ZNF600: variants seen among roughly 807,000 people sequenced by gnomAD.
The protein encoded by ZNF600 is zinc finger protein 600.
A neutral mutation model predicts 7.3 loss-of-function variants in ZNF600; 4 were observed. The ratio of observed to expected loss-of-function variants is 0.55; its 90% CI spans 0.27 to 1.25. The LOEUF (loss-of-function observed/expected upper bound fraction) is 1.25, where lower values mean the gene tolerates loss of function less well. ZNF600 is among the 50% of genes most tolerant of loss of function. ZNF600 has a pLI of 0.12. For missense variants in ZNF600, 911 were observed against 922.1 expected (o/e 0.99, Z 0.16); for synonymous variants, 290 against 308.9 (o/e 0.94, Z 0.64).
At chr19:52,802,850 T>C in the ZNF600 span, among the ~76,000 whole-genome samples, 5 of 146,228 alleles carry the variant, frequency 3.4e-5, no homozygotes, top group African/African-American at 1.3e-4. Context: ...AAGCTCCACC[T>C]CCCGGGTTCA....
chr19:52,768,603 T>C (rs1478820950), intron 3 of ZNF600, among the ~76,000 whole-genome samples: 1 of 152,020 alleles, frequency 6.6e-6, no homozygotes, highest in Admixed American at 6.6e-5. Flanking sequence ...TGGAGTGCCA[T>C]GGCATGATCT....
the ZNF600 span, chr19:52,800,627 A>G: frequency 1.2e-6 from 2 of 1,613,330 alleles, no homozygotes; most frequent in South Asian, 2.2e-5. Context: ...GTTTCTCTCC[A>G]GTATGAATCC....
intron 2 of ZNF600, among the ~76,000 whole-genome samples, chr19:52,776,578 A>C (rs1233039000): frequency 6.6e-6 from 1 of 152,048 alleles, no homozygotes; most frequent in Non-Finnish European, 1.5e-5. Context: ...CGTCCATCTA[A>C]TTTTTGTATA....
chr19:52,768,817 CAA>C (rs752421632), intron 3 of ZNF600, among the ~76,000 whole-genome samples: 27 of 152,162 alleles, frequency 1.8e-4, no homozygotes, highest in Non-Finnish European at 3.4e-4. Flanking sequence ...TATAAAATAA[CAA>C]GAGTTATACT....
the ZNF600 span, among the ~76,000 whole-genome samples, chr19:52,820,221 C>T: frequency 1.5e-5 from 2 of 129,134 alleles, no homozygotes; most frequent in Non-Finnish European, 3.2e-5. Flanking sequence ...GGGTTCACGC[C>T]ATTCTCCTGC....
At chr19:52,806,402 C>G in the ZNF600 span, among the ~76,000 whole-genome samples, 1 of 152,022 alleles carries the variant, frequency 6.6e-6, no homozygotes, top group African/African-American at 2.4e-5. Context: ...ACATGTTAAC[C>G]AGGCTAGTTT....
chr19:52,801,162 G>A, the ZNF600 span: 1 of 1,613,956 alleles, frequency 6.2e-7, no homozygotes, highest in Non-Finnish European at 8.5e-7. Flanking sequence ...TTTTAAAAGT[G>A]AGCTACAATT....
chr19:52,766,927 T>C, exon 4 of ZNF600: 1 of 1,614,192 alleles, frequency 6.2e-7, no homozygotes, highest in Non-Finnish European at 8.5e-7. Flanking sequence ...TCACATTCAT[T>C]ACACTTGTAA....
At chr19:52,770,238 G>A (rs1467376256) in intron 3 of ZNF600, among the ~76,000 whole-genome samples, 1 of 152,092 alleles carries the variant, frequency 6.6e-6, no homozygotes, top group Admixed American at 6.6e-5. Flanking sequence ...TCAGGAGTTC[G>A]AGAACAGCCT....
At chr19:52,800,964 G>GT in the ZNF600 span, 84 of 1,614,020 alleles carry the variant, frequency 5.2e-5, no homozygotes, top group Non-Finnish European at 6.9e-5. Flanking sequence ...TTTGTCTGCA[G>GT]TATGAAGCGC....
the ZNF600 span, among the ~76,000 whole-genome samples, chr19:52,804,665 C>G: frequency 6.6e-6 from 1 of 152,294 alleles, no homozygotes; most frequent in Non-Finnish European, 1.5e-5. Flanking sequence ...GCCACTGCAC[C>G]TAGCCCATTT....
the ZNF600 span, chr19:52,805,643 A>AAAACAAATAAATAAATAAAT: frequency 7.1e-6 from 1 of 140,302 alleles, no homozygotes; most frequent in Non-Finnish European, 1.5e-5. Flanking sequence ...AATAATAATA[A>AAAACAAATAAATAAATAAAT]AAATAAATAA....
chr19:52,823,924 C>T, the ZNF600 span, among the ~76,000 whole-genome samples: 1 of 151,848 alleles, frequency 6.6e-6, no homozygotes, highest in Non-Finnish European at 1.5e-5. Context: ...TTAGCCTGGC[C>T]TGTTGGCATG....
At chr19:52,811,781 C>G in the ZNF600 span, among the ~76,000 whole-genome samples, 1 of 149,398 alleles carries the variant, frequency 6.7e-6, no homozygotes, top group African/African-American at 2.5e-5. Flanking sequence ...AGCCCCCCGC[C>G]CGGCCAGCCG....
At chr19:52,811,128 G>C in the ZNF600 span, among the ~76,000 whole-genome samples, 1 of 149,460 alleles carries the variant, frequency 6.7e-6, no homozygotes, top group Non-Finnish European at 1.5e-5. Context: ...TCCTAACCAC[G>C]AGTGATCCGC....
At chr19:52,817,863 C>A in the ZNF600 span, 2 of 1,600,018 alleles carry the variant, frequency 1.2e-6, no homozygotes, top group Non-Finnish European at 1.7e-6. Context: ...ACACTTCAGA[C>A]TCAGAGAAGA....
rs138980216 is a variant in ZNF600, at chr19:52,767,397, G to A, written c.566C>T (p.Ser189Leu). ...AGAAATTCTTTGGGATGTTGAAACC[G>A]AGGGAGCATCACTGGTAGACTTCTC... The change falls in exon 4 of 4, where the codon TCG becomes TTG. Residue 189 changes from serine (S) to leucine (L), a missense_variant. Transcript: ENST00000648973. 186 of 1,614,100 alleles carry A rather than the reference G, an allele frequency of 1.2e-4. No individual in the cohort carries two copies. In the African/African-American group the frequency reaches 1.7e-3, roughly 14 times the overall value.
the ZNF600 span, among the ~76,000 whole-genome samples, chr19:52,828,640 A>G: frequency 1.3e-5 from 2 of 152,306 alleles, no homozygotes; most frequent in South Asian, 2.1e-4. Flanking sequence ...GAAAATTGAT[A>G]AACTGGGATC....
At chr19:52,821,519 A>C in the ZNF600 span, 20 of 152,350 alleles carry the variant, frequency 1.3e-4, no homozygotes, top group African/African-American at 4.6e-4. Context: ...GGGACCCCAC[A>C]TCCCATGTAC....
Sources: gnomAD v4.1 joint callset for allele counts (sites outside exome capture counted in the v4.1 genomes callset) on GRCh38, gnomAD v4.1.1 for gene constraint, MANE v1.5 for transcripts, NCBI Gene and HGNC (gene_info 2026-07-23, HGNC 2026-07-21) for gene names.